Variants in PTK2 observed in about 807,000 individuals in gnomAD.
PTK2 encodes protein tyrosine kinase 2.
A neutral mutation model predicts 150.1 loss-of-function variants in PTK2; 45 were observed. The ratio of observed to expected loss-of-function variants is 0.30; its 90% CI spans 0.24 to 0.38. PTK2 has a LOEUF of 0.38. PTK2 is among the 10% of genes least tolerant of loss of function. The pLI is 1.00. For missense variants in PTK2, 919 were observed against 1,307.3 expected, an observed-to-expected ratio of 0.70 and a Z score of 4.58; for synonymous variants, 432 against 449.2, an observed-to-expected ratio of 0.96 and a Z score of 0.48.
At chr8:140,669,315 A>ATG (rs2094311843) in intron 29 of PTK2, 1 of 129,402 alleles carries the variant, frequency 7.7e-6, no homozygotes, top group African/African-American at 3.1e-5. Context: ...ATATATATAT[A>ATG]TATATATATA....
At chr8:140,998,156 A>T (rs2100198505) in intron 1 of PTK2, among the ~76,000 whole-genome samples, 1 of 152,252 alleles carries the variant, frequency 6.6e-6, no homozygotes, top group African/African-American at 2.4e-5. Context: ...TGATACAAAC[A>T]GTATAACTTT....
intron 31 of PTK2, among the ~76,000 whole-genome samples, chr8:140,660,252 C>T (rs2077531249): frequency 6.6e-6 from 1 of 152,208 alleles, no homozygotes; most frequent in Admixed American, 6.5e-5. Context: ...CAGAGATCAT[C>T]TATTCCAAAC....
intron 1 of PTK2, among the ~76,000 whole-genome samples, chr8:140,943,445 T>C (rs780428854): frequency 6.6e-6 from 1 of 152,252 alleles, no homozygotes; most frequent in African/African-American, 2.4e-5. Flanking sequence ...AGGATTCCAT[T>C]GTATAGGTGT....
intron 27 of PTK2, among the ~76,000 whole-genome samples, chr8:140,676,765 TAA>T (rs869199304): frequency 0.012 from 641 of 55,538 alleles, 14 homozygotes; most frequent in Middle Eastern, 0.079. Flanking sequence ...GTCTCTACTT[TAA>T]AAAAAAAAAA....
intron 14 of PTK2, among the ~76,000 whole-genome samples, chr8:140,781,304 A>T (rs2100081538): frequency 6.6e-6 from 1 of 152,182 alleles, no homozygotes; most frequent in Admixed American, 6.5e-5. Context: ...ATATTTTTTT[A>T]AAAAGATTGA....
At chr8:140,795,624 C>T (rs974000264) in intron 12 of PTK2, among the ~76,000 whole-genome samples, 4 of 152,146 alleles carry the variant, frequency 2.6e-5, no homozygotes, top group African/African-American at 4.8e-5. Context: ...CTCTGTTTAT[C>T]GCACGTATGT....
chr8:140,955,231 G>C lies in PTK2; in HGVS notation c.-121-29482C>G, dbSNP rs191384552. Among the ~76,000 whole-genome samples, 7 of 152,290 alleles carry C rather than the reference G, an allele frequency of 4.6e-5. No homozygotes were observed. The East Asian group carries it at 1.4e-3, about 29-fold the overall frequency. ...GCTCCCATAATTCCCATGTGTTGTG[G>C]GAGGGACCTGCTGGGAGGTAACTGA... On this transcript the variant is annotated intron_variant, in intron 1 of 31. Coordinates refer to ENST00000522684, the Ensembl canonical transcript of PTK2.
At chr8:140,761,210 T>A in exon 16 of PTK2, 1 of 1,613,244 alleles carries the variant, frequency 6.2e-7, no homozygotes, top group South Asian at 1.1e-5. Context: ...ATTGGCCTTC[T>A]CCAATACATC....
At chr8:140,937,604 A>C (rs1446648607) in intron 1 of PTK2, among the ~76,000 whole-genome samples, 1 of 151,866 alleles carries the variant, frequency 6.6e-6, no homozygotes, top group Non-Finnish European at 1.5e-5. Flanking sequence ...AAAAAACACA[A>C]AAAAACAAAT....
intron 3 of PTK2, 39 bp from the exon 4 acceptor site, chr8:140,879,676 GAAAAAAAAA>G: frequency 9.0e-4 from 31 of 34,580 alleles, no homozygotes; most frequent in African/African-American, 3.8e-3. Flanking sequence ...GTTATAAACT[GAAAAAAAAA>G]AAAAAAAAAA....
intron 2 of PTK2, among the ~76,000 whole-genome samples, chr8:140,905,595 T>C (rs2100160558): frequency 6.6e-6 from 1 of 152,198 alleles, no homozygotes; most frequent in Admixed American, 6.5e-5. Context: ...AACACCCCAC[T>C]GTCAATATTA....
intron 27 of PTK2, among the ~76,000 whole-genome samples, chr8:140,682,253 G>A (rs919592249): frequency 2.9e-4 from 44 of 152,110 alleles, no homozygotes; most frequent in African/African-American, 9.9e-4. Flanking sequence ...GTGGTGGCAC[G>A]TGCCTGTAGT....
intron 17 of PTK2, among the ~76,000 whole-genome samples, chr8:140,750,930 CAAAA>C (rs1241034077): frequency 1.3e-5 from 2 of 151,980 alleles, no homozygotes; most frequent in Non-Finnish European, 2.9e-5. Context: ...AAAACAAAAA[CAAAA>C]AAACCAACCA....
chr8:140,823,824 C>G (rs989519808), intron 8 of PTK2, among the ~76,000 whole-genome samples: 4 of 152,202 alleles, frequency 2.6e-5, no homozygotes, highest in Admixed American at 6.5e-5. Context: ...GGACAGAAAT[C>G]TGAGGCCAGG....
chr8:141,000,911 C>T (rs956517971), intron 1 of PTK2: 1 of 151,826 alleles, frequency 6.6e-6, no homozygotes, highest in East Asian at 2.0e-4. Context: ...CGCGAGGGCC[C>T]CCAACCTCCT....
chr8:140,742,026 T>G (rs1245745135), intron 20 of PTK2, among the ~76,000 whole-genome samples: 1 of 152,034 alleles, frequency 6.6e-6, no homozygotes, highest in African/African-American at 2.4e-5. Context: ...GTACCAGCAA[T>G]TTGGGAGGCT....
At chr8:140,957,622 T>G (rs144316097) in intron 1 of PTK2, among the ~76,000 whole-genome samples, 88 of 152,334 alleles carry the variant, frequency 5.8e-4, no homozygotes, top group Middle Eastern at 3.4e-3. Flanking sequence ...CGTTCAGTCC[T>G]GCAAGCTCCA....
exon 22 of PTK2, chr8:140,735,377 A>G (rs2100052025): frequency 6.2e-7 from 1 of 1,614,086 alleles, no homozygotes; most frequent in Non-Finnish European, 8.5e-7. Context: ...CCCATTTTCA[A>G]TTCGACCGAT....
At chr8:140,838,098 G>C (rs1450430674) in intron 7 of PTK2, among the ~76,000 whole-genome samples, 2 of 152,206 alleles carry the variant, frequency 1.3e-5, no homozygotes, top group East Asian at 3.9e-4. Flanking sequence ...AGGGCATTGT[G>C]CATTAGGCTG....
Sources: gnomAD v4.1 joint callset for allele counts (sites outside exome capture counted in the v4.1 genomes callset) on GRCh38, gnomAD v4.1.1 for gene constraint, MANE v1.5 for transcripts, NCBI Gene and HGNC (gene_info 2026-07-23, HGNC 2026-07-21) for gene names.